Variants in CRPPA observed in about 807,000 individuals in gnomAD.
The protein encoded by CRPPA is CDP-L-ribitol pyrophosphorylase A, also known as D-ribitol-5-phosphate cytidylyltransferase.
Under a neutral mutation model 52.0 loss-of-function variants are expected in CRPPA, and 43 were observed. The observed-to-expected ratio is 0.83, with a 90% CI of 0.65 to 1.07. CRPPA has a LOEUF of 1.07. Among genes scored for constraint, CRPPA ranks in the 50% least tolerant of loss-of-function variants. The pLI, the probability that CRPPA is intolerant of heterozygous loss-of-function variation, is 0.00. For synonymous variants in CRPPA, 250 were observed against 203.5 expected (o/e 1.23, Z -1.94); for missense variants, 629 against 551.7 (o/e 1.14, Z -1.40).
At chr7:16,265,543 C>T (rs1583478746) in intron 6 of CRPPA, among the ~76,000 whole-genome samples, 1 of 152,180 alleles carries the variant, frequency 6.6e-6, no homozygotes, top group East Asian at 1.9e-4. Flanking sequence ...AGTCTGAAGT[C>T]TAATGTGTGT....
chr7:16,244,891 C>A (rs1783227215), intron 8 of CRPPA, among the ~76,000 whole-genome samples: 4 of 152,144 alleles, frequency 2.6e-5, no homozygotes, highest in Admixed American at 2.6e-4. Flanking sequence ...TCACATAACT[C>A]AAAAATAAGA....
chr7:16,101,088 A>T (rs1308102717), intron 9 of CRPPA, among the ~76,000 whole-genome samples: 1 of 152,174 alleles, frequency 6.6e-6, no homozygotes, highest in African/African-American at 2.4e-5. Context: ...ATCGATGTTC[A>T]TCAGGGATAT....
At chr7:16,139,111 C>A (rs1047357131) in intron 9 of CRPPA, among the ~76,000 whole-genome samples, 1 of 151,992 alleles carries the variant, frequency 6.6e-6, no homozygotes, top group Non-Finnish European at 1.5e-5. Flanking sequence ...CAATTTACCC[C>A]CTTTATGAGC....
intron 6 of CRPPA, among the ~76,000 whole-genome samples, chr7:16,277,751 T>G (rs1408639021): frequency 6.6e-6 from 1 of 152,198 alleles, no homozygotes; most frequent in Non-Finnish European, 1.5e-5. Flanking sequence ...TCATCATGTC[T>G]CTTATTTCCC....
At chr7:16,150,743 A>G (rs1261562981) in intron 9 of CRPPA, among the ~76,000 whole-genome samples, 1 of 152,210 alleles carries the variant, frequency 6.6e-6, no homozygotes, top group African/African-American at 2.4e-5. Context: ...TGATTTATAA[A>G]GAAAAAATTA....
chr7:16,342,896 T>C (rs7805909), intron 3 of CRPPA, among the ~76,000 whole-genome samples: 65,214 of 125,446 alleles, frequency 0.52, 14,881 homozygotes, highest in South Asian at 0.64. Flanking sequence ...CAAAATTAGC[T>C]GGATATCGTA....
At chr7:16,124,173 C>A (rs542406251) in intron 9 of CRPPA, among the ~76,000 whole-genome samples, 7 of 140,914 alleles carry the variant, frequency 5.0e-5, no homozygotes, top group African/African-American at 1.9e-4. Flanking sequence ...AATTTACATT[C>A]CCACCAATGG....
At chr7:16,247,277 C>T (rs1039230043) in intron 8 of CRPPA, among the ~76,000 whole-genome samples, 1 of 152,182 alleles carries the variant, frequency 6.6e-6, no homozygotes. Context: ...CTAAATTAGG[C>T]TTTGTATCTT....
chr7:16,308,049 G>A (rs189975933), intron 4 of CRPPA, among the ~76,000 whole-genome samples: 60 of 152,080 alleles, frequency 3.9e-4, no homozygotes, highest in East Asian at 5.8e-4. Flanking sequence ...GCAGATTTCC[G>A]CCTTGGAGCT....
chr7:16,229,486 C>A (rs1239076637), intron 8 of CRPPA, among the ~76,000 whole-genome samples: 1 of 151,984 alleles, frequency 6.6e-6, no homozygotes, highest in Non-Finnish European at 1.5e-5. Flanking sequence ...ACAAAAACCA[C>A]ATTAAATTGT....
rs542240542 is a variant in CRPPA at position 16,158,127 on chromosome 7, G to T, written c.1251+57939C>A. On this transcript the variant is annotated intron_variant, in intron 9 of 9. Coordinates refer to ENST00000407010, the MANE Select transcript of CRPPA (RefSeq NM_001101426.4). ...TCTTGATCTCCTGACCTCGTGATCC[G>T]CCCACTTCGGCCTCCCAAAGTGCTG... 2.7e-5 allele frequency among the ~76,000 whole-genome samples: 4 copies of T among 150,006 alleles called. No homozygotes were observed. The South Asian group carries it at 8.5e-4, about 32-fold the overall frequency.
At chr7:16,304,881 A>G (rs1195563532) in intron 4 of CRPPA, among the ~76,000 whole-genome samples, 1 of 152,206 alleles carries the variant, frequency 6.6e-6, no homozygotes, top group East Asian at 1.9e-4. Flanking sequence ...AAATGCCTCA[A>G]TTATGTCCAA....
At chr7:16,392,225 C>G (rs1562675397) in intron 2 of CRPPA, among the ~76,000 whole-genome samples, 1 of 152,102 alleles carries the variant, frequency 6.6e-6, no homozygotes, top group Admixed American at 6.5e-5. Flanking sequence ...CAACAATTCA[C>G]TCTAAGTTCT....
intron 3 of CRPPA, among the ~76,000 whole-genome samples, chr7:16,371,151 C>T (rs566976568): frequency 2.0e-5 from 3 of 152,282 alleles, no homozygotes; most frequent in African/African-American, 7.2e-5. Flanking sequence ...CCACCTTTAT[C>T]AAGGCTAGGA....
chr7:16,141,506 G>T lies in CRPPA; in HGVS notation c.1252-49707C>A, dbSNP rs1240957107. ...AAAAAATCTGAAATATTAAACACAA[G>T]ATAATTTATGTGAGCTAATATGACT... On this transcript the variant is annotated intron_variant, in intron 9 of 9. Transcript: ENST00000407010. Among the ~76,000 whole-genome samples, 4 of 152,110 alleles carry T rather than the reference G, an allele frequency of 2.6e-5. No individual in the cohort carries two copies. The South Asian group carries it at 6.2e-4, about 24-fold the overall frequency.
intron 8 of CRPPA, among the ~76,000 whole-genome samples, chr7:16,252,462 A>G (rs891476948): frequency 7.2e-5 from 11 of 152,166 alleles, no homozygotes; most frequent in Admixed American, 3.3e-4. Flanking sequence ...AATGGGCAAA[A>G]ACTGGAAGCA....
intron 3 of CRPPA, among the ~76,000 whole-genome samples, chr7:16,316,120 C>G (rs1785138380): frequency 6.6e-6 from 1 of 151,944 alleles, no homozygotes; most frequent in South Asian, 2.1e-4. Context: ...GAAAATGACA[C>G]AGGATACAGA....
At chr7:16,281,147 C>T (rs1168928018) in intron 5 of CRPPA, among the ~76,000 whole-genome samples, 1 of 152,158 alleles carries the variant, frequency 6.6e-6, no homozygotes, top group Non-Finnish European at 1.5e-5. Flanking sequence ...ACAAAAACAT[C>T]TGTTGAGTTT....
At chr7:16,208,053 T>C (rs930499305) in intron 9 of CRPPA, among the ~76,000 whole-genome samples, 7 of 152,178 alleles carry the variant, frequency 4.6e-5, no homozygotes, top group South Asian at 2.1e-4. Context: ...TGTATGCATC[T>C]CAACTTTCTC....
Sources: gnomAD v4.1 joint callset for allele counts (sites outside exome capture counted in the v4.1 genomes callset) on GRCh38, gnomAD v4.1.1 for gene constraint, MANE v1.5 for transcripts, NCBI Gene and HGNC (gene_info 2026-07-23, HGNC 2026-07-21) for gene names.